The following MAP4K1 variants were observed in gnomAD, a reference collection of about 807,000 sequenced individuals.
MAP4K1 encodes MAPK/ERK kinase kinase kinase 1.
A neutral mutation model predicts 122.8 loss-of-function variants in MAP4K1; 35 were observed. The ratio of observed to expected loss-of-function variants is 0.29; its 90% CI spans 0.22 to 0.38. The LOEUF is 0.38. Ranked by LOEUF, MAP4K1 falls within the 10% of genes least tolerant of loss-of-function variation. The pLI, the probability that MAP4K1 is intolerant of heterozygous loss-of-function variation, is 1.00. For missense variants in MAP4K1, 791 were observed against 1,072.6 expected (o/e 0.74, Z 3.67); for synonymous variants, 412 against 421.3 (o/e 0.98, Z 0.27).
At chr19:38,596,739 G>C (rs1317360594) in intron 25 of MAP4K1, among the ~76,000 whole-genome samples, 1 of 152,180 alleles carries the variant, frequency 6.6e-6, no homozygotes, top group East Asian at 1.9e-4. Context: ...AGCAAAACCT[G>C]CTTAGACACT....
Position 38,605,717 on chromosome 19 carries a change from G to A in MAP4K1, c.1214C>T (p.Ser405Phe), listed in dbSNP as rs764343376. 26 of 1,606,350 alleles carry A rather than the reference G, an allele frequency of 1.6e-5. 2 individuals carry two copies. Among genetic ancestry groups the A allele is most frequent in the Non-Finnish European group, 2.0e-5 (24 of 1,178,230 alleles). Reference protein sequence around the residue: ...PPLPPKPKFRSPSDEGPGSMG... With the variant: ...PPLPPKPKFRFPSDEGPGSMG... ...GCTCCCAGGACCCTCGTCTGATGGA[G>A]AACGGAACTTGGGCTTTGGAGACGG... Residue 405 changes from serine to phenylalanine, a missense_variant, in exon 18 of 31, where the codon TCT becomes TTT. Transcript: ENST00000396857.
At chr19:38,616,102 A>G (rs567682532) in intron 4 of MAP4K1, 93 bp downstream of exon 4, 50 of 869,422 alleles carry the variant, frequency 5.8e-5, no homozygotes, top group Non-Finnish European at 8.6e-5. Flanking sequence ...TTCCTGTGAG[A>G]TACACACACA....
chr19:38,596,619 G>C (rs1974895450), intron 25 of MAP4K1, 133 bp from the exon 26 acceptor site: 3 of 796,110 alleles, frequency 3.8e-6, no homozygotes, highest in Non-Finnish European at 3.8e-6. Flanking sequence ...GAAATGTCAG[G>C]GGATAAGGCC....
At chr19:38,601,145 C>T (rs1432143147) in intron 20 of MAP4K1, among the ~76,000 whole-genome samples, 2 of 150,210 alleles carry the variant, frequency 1.3e-5, no homozygotes, top group African/African-American at 2.5e-5. Context: ...GACGGGGTTT[C>T]ACCATGTTGG....
In MAP4K1 at chr19:38,595,742, A is replaced by T. The variant is rs1974854896; in HGVS notation, c.2180-13T>A. ...AGCTTCACAGAGCCTGGAAGGAGAT[A>T]GACGGTTTTAAGAACTGTGAGCAAG... On this transcript the variant is annotated splice_polypyrimidine_tract_variant and intron_variant, in intron 27 of 30. Coordinates refer to ENST00000396857, the MANE Select transcript of MAP4K1 (RefSeq NM_001042600.3). 1 of 1,586,018 alleles carries T rather than the reference A, an allele frequency of 6.3e-7. No homozygotes were observed.
chr19:38,608,282 G>C, intron 13 of MAP4K1, 112 bp from the exon 14 acceptor site: 1 of 538,028 alleles, frequency 1.9e-6, no homozygotes. Flanking sequence ...CAGGATCTTG[G>C]GGACTGCAAA....
chr19:38,612,862 GA>G (rs1444888426), intron 8 of MAP4K1, 120 bp from the exon 9 acceptor site: 2 of 1,046,962 alleles, frequency 1.9e-6, no homozygotes, highest in Non-Finnish European at 2.8e-6. Flanking sequence ...TGGAGAGACA[GA>G]GGGACAGGAG....
chr19:38,609,884 T>C (rs1165898887), intron 12 of MAP4K1, 25 bp downstream of exon 12: 3 of 1,591,668 alleles, frequency 1.9e-6, no homozygotes, highest in Non-Finnish European at 2.6e-6. Context: ...AGGTCCCCAG[T>C]GCTCTTGTCA....
Position 38,595,127 on chromosome 19 carries a change from G to A in MAP4K1, c.2340+358C>T, listed in dbSNP as rs1016253142. On this transcript the variant is annotated intron_variant, in intron 29 of 30. Transcript: ENST00000396857. Reference sequence around the variant, plus strand: ...AACATGGTGAAACCCCGTCTCTACTGAAAATACAAAAATTAGCCAGCTGTG... The same window carrying A: ...AACATGGTGAAACCCCGTCTCTACTAAAAATACAAAAATTAGCCAGCTGTG... Among the ~76,000 whole-genome samples, 5 of 151,138 alleles carry A rather than the reference G, an allele frequency of 3.3e-5. No individual in the cohort carries two copies. In the East Asian group the frequency reaches 7.9e-4, roughly 24 times the overall value.
chr19:38,602,695 C>T (rs1321430574), intron 19 of MAP4K1, among the ~76,000 whole-genome samples: 2 of 147,294 alleles, frequency 1.4e-5, no homozygotes, highest in African/African-American at 2.5e-5. Context: ...CATATATACA[C>T]ACATATACAT....
At chr19:38,595,343 G>C (rs2145935367) in intron 29 of MAP4K1, 142 bp downstream of exon 29, 1 of 534,140 alleles carries the variant, frequency 1.9e-6, no homozygotes, top group Non-Finnish European at 3.3e-6. Context: ...GGCAAAGAAG[G>C]GGATCTATCT....
At chr19:38,602,795 CACAT>C (rs1242614405) in intron 19 of MAP4K1, among the ~76,000 whole-genome samples, 20 of 138,932 alleles carry the variant, frequency 1.4e-4, no homozygotes, top group South Asian at 5.0e-4. Context: ...CATATATACA[CACAT>C]ACATATATAC....
In MAP4K1 at chr19:38,596,373, C is replaced by T. The variant is rs1186362684; in HGVS notation, c.2055G>A (p.Ser685=). ...IGVSPGRPGK[S]VLFHTVRFGA... ...CAAAGCGCACCGTGTGGAAGAGCACCGACTTCCCCGGCCGCCCGGGGCTCA... is the reference window on the plus strand; with the variant it reads ...CAAAGCGCACCGTGTGGAAGAGCACTGACTTCCCCGGCCGCCCGGGGCTCA... Residue 685 remains serine (S), a synonymous_variant, in exon 26 of 31, where the codon TCG becomes TCA. Coordinates refer to ENST00000396857, the MANE Select transcript of MAP4K1 (RefSeq NM_001042600.3). 2 of 1,600,298 alleles carry T rather than the reference C, an allele frequency of 1.2e-6. No homozygotes were observed. Among genetic ancestry groups the T allele is most frequent in the South Asian group, 1.1e-5 (1 of 89,376 alleles).
intron 20 of MAP4K1, among the ~76,000 whole-genome samples, chr19:38,600,840 C>G (rs887032407): frequency 1.6e-5 from 2 of 126,074 alleles, no homozygotes; most frequent in East Asian, 2.5e-4. Flanking sequence ...GAGTCTTGCT[C>G]TGTTGCCCAG....
chr19:38,602,339 T>G (rs1048711135), intron 19 of MAP4K1, among the ~76,000 whole-genome samples: 2 of 151,946 alleles, frequency 1.3e-5, no homozygotes, highest in African/African-American at 4.8e-5. Flanking sequence ...TCTCCCAAAG[T>G]GCTGGGATTA....
Position 38,596,301 on chromosome 19 carries a change from GC to G in MAP4K1, c.2116+10del. The G allele has an allele frequency of 6.5e-7, 1 of 1,549,888 alleles. No individual in the cohort carries two copies. Reference sequence around the variant, plus strand: ...TAAGCCCCGCCCTCAGCAAGACTCCGCCCCACTCACCGGTGCTCATCTCGCC... The same window carrying G: ...TAAGCCCCGCCCTCAGCAAGACTCCGCCCACTCACCGGTGCTCATCTCGCC... On this transcript the variant is annotated intron_variant, in intron 26 of 30. Transcript: ENST00000396857.
rs748373809 is a variant in MAP4K1, at chr19:38,612,658, G to A, written c.618C>T (p.Ile206=). The A allele has an allele frequency of 5.6e-6, 9 of 1,613,672 alleles. No homozygotes were observed. Among genetic ancestry groups the A allele is most frequent in the Admixed American group, 5.0e-5 (3 of 59,994 alleles). ...GCGGTGGCTGTAGCTCGGCCAGTTCGATGGCCGTGATGCCCAGGGACCAGA... is the reference window on the plus strand; with the variant it reads ...GCGGTGGCTGTAGCTCGGCCAGTTCAATGGCCGTGATGCCCAGGGACCAGA... The part of the protein sequence containing the change: ...CDIWSLGITA[I]ELAELQPPLF... The change falls in exon 9 of 31, where the codon ATC becomes ATT. Residue 206 remains isoleucine (I), a synonymous_variant. Transcript: ENST00000396857.
rs576918858 is a variant in MAP4K1 at position 38,607,544 on chromosome 19, A to C, written c.1157+320T>G. Among the ~76,000 whole-genome samples, 3 of 132,066 alleles carry C rather than the reference A, an allele frequency of 2.3e-5. No homozygotes were observed. In the Admixed American group the frequency reaches 2.6e-4, roughly 12 times the overall value. 86.6% of individuals were successfully genotyped at this position (132,066 alleles called of 152,430 possible). On this transcript the variant is annotated intron_variant, in intron 16 of 30. Transcript: ENST00000396857. ...CACTGCACTCCAGCCTGGGCCACAGAGTGAGACTCCATCTCAAAAAAAAAA... is the reference window on the plus strand; with the variant it reads ...CACTGCACTCCAGCCTGGGCCACAGCGTGAGACTCCATCTCAAAAAAAAAA...
chr19:38,599,769 G>A (rs1242034502), intron 22 of MAP4K1, among the ~76,000 whole-genome samples, 156 bp downstream of exon 22: 1 of 152,138 alleles, frequency 6.6e-6, no homozygotes, highest in Non-Finnish European at 1.5e-5. Context: ...ATTGAGGCTT[G>A]GGGAGCACAG....
Sources: allele counts gnomAD v4.1 joint callset (sites outside exome capture counted in the v4.1 genomes callset), GRCh38; gene constraint gnomAD v4.1.1; transcripts MANE v1.5; gene names NCBI Gene and HGNC (gene_info 2026-07-23, HGNC 2026-07-21).